The following AKT1 variants were observed in gnomAD, a reference collection of about 807,000 sequenced individuals.
The protein encoded by AKT1 is AKT serine/threonine kinase 1.
Under a neutral mutation model 63.1 loss-of-function variants are expected in AKT1, and 21 were observed. The ratio of observed to expected loss-of-function variants is 0.33; its 90% CI spans 0.24 to 0.48. The LOEUF is 0.48. Ranked by LOEUF, AKT1 falls within the 20% of genes least tolerant of loss-of-function variation. The probability of loss-of-function intolerance (pLI) is 0.99; values close to 1 mark genes in which losing one functional copy is unlikely to be tolerated. For missense variants in AKT1, 382 were observed against 666.0 expected (o/e 0.57, Z 4.69); for synonymous variants, 257 against 253.1 (o/e 1.02, Z -0.15).
chr14:104,779,846 C>T (rs1892935984), intron 4 of AKT1, among the ~76,000 whole-genome samples: 2 of 151,612 alleles, frequency 1.3e-5, no homozygotes, highest in South Asian at 2.1e-4. Context: ...CAGCCAGCCT[C>T]GGCCTTAGGA....
rs1892269093 is a variant in AKT1, at chr14:104,769,685, A to G, written c.*656T>C. The G allele has an allele frequency of 2.1e-6, 1 of 466,178 alleles. No homozygotes were observed. The highest frequency in any genetic ancestry group is 1.8e-5 in the South Asian group (1 of 56,462). 28.9% of individuals were successfully genotyped at this position (466,178 alleles called of 1,614,324 possible). Reference sequence around the variant, plus strand: ...CTGTCACAAAGATTAAAAACCCCCAAAATGCATTTGAACAACATAATACAC... The same window carrying G: ...CTGTCACAAAGATTAAAAACCCCCAGAATGCATTTGAACAACATAATACAC... On this transcript the variant is annotated 3_prime_UTR_variant, in exon 15 of 15. Coordinates refer to ENST00000649815, the MANE Select transcript of AKT1 (RefSeq NM_001382430.1).
At chr14:104,776,455 GTTT>G in intron 5 of AKT1, 1 of 531,440 alleles carries the variant, frequency 1.9e-6, no homozygotes. Context: ...TCCCTAGCCA[GTTT>G]TTATCTCCAG....
At chr14:104,777,473 C>T (rs1892794953) in intron 4 of AKT1, 4 of 880,438 alleles carry the variant, frequency 4.5e-6, no homozygotes, top group South Asian at 4.6e-5. Flanking sequence ...CACATCTAGA[C>T]ACCTAGCCAC....
chr14:104,789,709 T>G (rs1465379885), intron 3 of AKT1, among the ~76,000 whole-genome samples: 1 of 152,160 alleles, frequency 6.6e-6, no homozygotes, highest in Non-Finnish European at 1.5e-5. Flanking sequence ...GCTTATCCAG[T>G]GAGACAGCCG....
intron 8 of AKT1, 80 bp from the exon 9 acceptor site, chr14:104,774,060 TTGATACCACGTCGCC>T (rs1289024303): frequency 1.5e-6 from 2 of 1,371,490 alleles, no homozygotes; most frequent in South Asian, 1.2e-5. Context: ...ACCACGCTGC[TTGATACCACGTCGCC>T]TGATACCACA....
intron 2 of AKT1, 38 bp from the exon 3 acceptor site, chr14:104,792,760 C>T: frequency 7.6e-7 from 1 of 1,322,250 alleles, no homozygotes. Flanking sequence ...GAGGCCACGC[C>T]TGGCTAAGGG....
Position 104,775,594 on chromosome 14 carries a change from C to T in AKT1, c.435+58G>A, listed in dbSNP as rs978118358. ...CCGAGCTGGGACCCCATGACCCACCCAGCCCTCCACAGTCCAAGGCAGCCC... is the reference window on the plus strand; with the variant it reads ...CCGAGCTGGGACCCCATGACCCACCTAGCCCTCCACAGTCCAAGGCAGCCC... On this transcript the variant is annotated intron_variant, in intron 6 of 14. Coordinates refer to ENST00000649815, the MANE Select transcript of AKT1 (RefSeq NM_001382430.1). 11 of 1,584,618 alleles carry T rather than the reference C, an allele frequency of 6.9e-6. No homozygotes were observed. In the African/African-American group the frequency reaches 1.5e-4, roughly 21 times the overall value.
chr14:104,783,710 G>A (rs997822639), intron 3 of AKT1, among the ~76,000 whole-genome samples: 18 of 152,100 alleles, frequency 1.2e-4, no homozygotes, highest in African/African-American at 4.3e-4. Context: ...CAAGGGCAAT[G>A]GAGACCGCCC....
intron 13 of AKT1, chr14:104,771,952 C>G (rs1004500605): frequency 3.0e-6 from 1 of 331,368 alleles, no homozygotes; most frequent in South Asian, 5.3e-5. Flanking sequence ...GCTCTCCTTG[C>G]GGCAGAAGGG....
chr14:104,791,264 G>T (rs925090851), intron 3 of AKT1, among the ~76,000 whole-genome samples: 2 of 152,114 alleles, frequency 1.3e-5, no homozygotes, highest in African/African-American at 4.8e-5. Flanking sequence ...CGGGGCAGGG[G>T]GTCCCTGACA....
intron 3 of AKT1, among the ~76,000 whole-genome samples, chr14:104,788,750 T>C (rs61759772): frequency 0.013 from 1,982 of 152,252 alleles, 30 homozygotes; most frequent in African/African-American, 0.045. Flanking sequence ...AGGCACCTGC[T>C]TGGGGTCAGA....
chr14:104,769,901 C>T lies in AKT1; in HGVS notation c.*440G>A. 1 of 395,062 alleles carries T rather than the reference C, an allele frequency of 2.5e-6. No individual in the cohort carries two copies. Among genetic ancestry groups the T allele is most frequent in the Non-Finnish European group, 4.7e-6 (1 of 212,724 alleles). 24.5% of individuals were successfully genotyped at this position (395,062 alleles called of 1,614,324 possible). A position where few individuals can be genotyped will look rare whatever the true frequency, so the allele number is the denominator to read the frequency against. Reference sequence around the variant, plus strand: ...CCAGCATACCATAGTGAGGTTGCATCTGGTGCCACCAGGTTGAACTGAGGC... The same window carrying T: ...CCAGCATACCATAGTGAGGTTGCATTTGGTGCCACCAGGTTGAACTGAGGC... On this transcript the variant is annotated 3_prime_UTR_variant, in exon 15 of 15. Coordinates refer to ENST00000649815, the MANE Select transcript of AKT1 (RefSeq NM_001382430.1).
At chr14:104,781,587 C>T (rs973007775) in intron 3 of AKT1, among the ~76,000 whole-genome samples, 4 of 152,182 alleles carry the variant, frequency 2.6e-5, no homozygotes, top group South Asian at 2.1e-4. Flanking sequence ...CACCCCCCGG[C>T]CAGGTGACCT....
chr14:104,793,524 C>T (rs570304277), intron 1 of AKT1: 3 of 178,984 alleles, frequency 1.7e-5, no homozygotes, highest in East Asian at 1.8e-4. Context: ...CAGTGCTGGG[C>T]GCTGGAGACA....
In AKT1 at chr14:104,771,789, G is replaced by A. The variant is rs61761246; in HGVS notation, c.1260+576C>T. On this transcript the variant is annotated intron_variant, in intron 13 of 14. Coordinates refer to ENST00000649815, the MANE Select transcript of AKT1 (RefSeq NM_001382430.1). ...ACCCAGCTGGCAGACCCCATCAGCT[G>A]GGGTGATGGCCAGGGCTCCTAGGGT... 1,459 of 237,656 alleles carry A rather than the reference G, an allele frequency of 6.1e-3. 24 individuals are homozygous for A. Among genetic ancestry groups the A allele is most frequent in the African/African-American group, 0.03 (1,371 of 45,442 alleles). The allele number at this position is 237,656 out of a possible 1,614,324, so 14.7% of individuals were successfully genotyped here. A position where few individuals can be genotyped will look rare whatever the true frequency, so the allele number is the denominator to read the frequency against.
rs372014221 is a variant in AKT1, at chr14:104,792,588, G to C, written c.46+10C>G. On this transcript the variant is annotated intron_variant, in intron 3 of 14. Transcript: ENST00000649815. ...CCTCCCCAGGCCCAGCCCTGGCAGC[G>C]GGTACTAACCTCGTTTGTGCAGCCA... 6.2e-7 allele frequency: 1 copy of C among 1,612,090 alleles called. No individual in the cohort carries two copies. The highest frequency in any genetic ancestry group is 8.5e-7 in the Non-Finnish European group (1 of 1,179,828).
Position 104,792,647 on chromosome 14 carries a change from G to C in AKT1, c.-4C>G, listed in dbSNP as rs1283206877. The C allele has an allele frequency of 6.2e-7, 1 of 1,610,324 alleles. No individual in the cohort carries two copies. The highest frequency in any genetic ancestry group is 1.1e-5 in the South Asian group (1 of 91,090). ...TCACAATAGCCACGTCGCTCATGGT[G>C]CCCGAGGCTCCCGCGACGCTCACGC... On this transcript the variant is annotated 5_prime_UTR_variant, in exon 3 of 15. Coordinates refer to ENST00000649815, the MANE Select transcript of AKT1 (RefSeq NM_001382430.1).
intron 3 of AKT1, chr14:104,786,237 T>G (rs1329427521): frequency 6.6e-6 from 1 of 152,152 alleles, no homozygotes; most frequent in Non-Finnish European, 1.5e-5. Flanking sequence ...TCCCCATAAC[T>G]TGCAGCAGGC....
chr14:104,783,345 C>G (rs1402133737), intron 3 of AKT1, among the ~76,000 whole-genome samples: 1 of 152,150 alleles, frequency 6.6e-6, no homozygotes, highest in Non-Finnish European at 1.5e-5. Flanking sequence ...GAAGAGTGGC[C>G]TCTCAATCCC....
Sources: gnomAD v4.1 joint callset for allele counts (sites outside exome capture counted in the v4.1 genomes callset) on GRCh38, gnomAD v4.1.1 for gene constraint, MANE v1.5 for transcripts, NCBI Gene and HGNC (gene_info 2026-07-23, HGNC 2026-07-21) for gene names.